HYDIN: variants seen among roughly 807,000 people sequenced by gnomAD.
The protein encoded by HYDIN is HYDIN axonemal central pair apparatus protein.
In HYDIN, 132 loss-of-function variants were observed where a neutral mutation model predicts 403.9. That is an observed-to-expected ratio of 0.33 (90% CI 0.28 to 0.38). The LOEUF (loss-of-function observed/expected upper bound fraction) is 0.38. Among genes scored for constraint, HYDIN ranks in the 10% least tolerant of loss-of-function variants. The probability of loss-of-function intolerance (pLI) is 1.00; values close to 1 mark genes in which losing one functional copy is unlikely to be tolerated. For missense variants in HYDIN, 2,827 were observed against 5,009.5 expected (o/e 0.56, Z 13.15); for synonymous variants, 1,202 against 1,891.7 (o/e 0.64, Z 9.46).
At chr16:71,020,486 A>C (rs1272322741) in intron 21 of HYDIN, among the ~76,000 whole-genome samples, 169 bp from the exon 22 acceptor site, 1 of 152,200 alleles carries the variant, frequency 6.6e-6, no homozygotes, top group African/African-American at 2.4e-5. Context: ...ATGTATACAT[A>C]CATTTTTCTC....
chr16:71,218,139 T>TA (rs1174066877), intron 1 of HYDIN, among the ~76,000 whole-genome samples: 1 of 152,220 alleles, frequency 6.6e-6, no homozygotes, highest in African/African-American at 2.4e-5. Context: ...TTTCATGCAC[T>TA]AGCCAAGCTC....
At chr16:70,849,130 C>T (rs1252919193) in intron 75 of HYDIN, among the ~76,000 whole-genome samples, 1 of 151,960 alleles carries the variant, frequency 6.6e-6, no homozygotes, top group Non-Finnish European at 1.5e-5. Context: ...TGATTGCTGA[C>T]TTTCACTTTG....
chr16:71,163,785 C>T (rs2086112833), intron 5 of HYDIN, among the ~76,000 whole-genome samples: 1 of 152,236 alleles, frequency 6.6e-6, no homozygotes, highest in Non-Finnish European at 1.5e-5. Context: ...ACCAGAAAAA[C>T]CACCCAGCTG....
At chr16:71,205,602 C>G (rs1472064477) in intron 1 of HYDIN, among the ~76,000 whole-genome samples, 2 of 152,352 alleles carry the variant, frequency 1.3e-5, no homozygotes. Context: ...CGAGGAGCAC[C>G]AACATTGTTC....
chr16:71,164,062 C>A (rs543024881), intron 5 of HYDIN, among the ~76,000 whole-genome samples: 2 of 148,060 alleles, frequency 1.4e-5, no homozygotes, highest in East Asian at 4.1e-4. Flanking sequence ...TATTTGCCTG[C>A]AATGTAGCAA....
At position 70,957,328 on chromosome 16, in the gene HYDIN, A is replaced by ATTTT. The variant is rs567388952; in HGVS notation, c.6143-1784_6143-1781dup. On this transcript the variant is annotated intron_variant, in intron 39 of 85. Coordinates refer to ENST00000393567, the MANE Select transcript of HYDIN (RefSeq NM_001270974.2). Reference sequence around the variant, plus strand: ...TAGCATGTGTCAGAATTTCCTTCCTATTTTTTTTTTTTTTTTGAGATGGAG... The same window carrying ATTTT: ...TAGCATGTGTCAGAATTTCCTTCCTATTTTTTTTTTTTTTTTTTTTGAGATGGAG... Among the ~76,000 whole-genome samples the ATTTT allele has an allele frequency of 1.3e-3, 174 of 137,526 alleles. 2 individuals are homozygous for ATTTT. The highest frequency in any genetic ancestry group is 4.5e-3 in the African/African-American group (165 of 36,920). The allele number at this position is 137,526 out of a possible 152,430, so 90.2% of individuals were successfully genotyped here.
chr16:71,093,708 G>A (rs1349529575), intron 11 of HYDIN, 109 bp downstream of exon 11: 19 of 1,296,368 alleles, frequency 1.5e-5, no homozygotes, highest in South Asian at 3.5e-5. Context: ...GAGTAACGGC[G>A]AATAAATGTG....
rs940030229 is a variant in HYDIN at position 70,994,579 on chromosome 16, G to A, written c.3645-2369C>T. On this transcript the variant is annotated intron_variant, in intron 23 of 85. Coordinates refer to ENST00000393567, the MANE Select transcript of HYDIN (RefSeq NM_001270974.2). ...TGGGCTGGGTGCTAACAAATCTCCC[G>A]GGAAGCTCCTTAAAATAAAGATTCC... 5.4e-5 allele frequency among the ~76,000 whole-genome samples: 8 copies of A among 148,060 alleles called. 1 individual carries two copies. In the South Asian group the frequency reaches 1.1e-3, roughly 20 times the overall value.
chr16:70,820,083 G>A (rs539253725), intron 83 of HYDIN, among the ~76,000 whole-genome samples: 1 of 148,864 alleles, frequency 6.7e-6, no homozygotes, highest in Admixed American at 6.7e-5. Context: ...GCCTCCCAAA[G>A]TGCTGAGTTT....
intron 47 of HYDIN, among the ~76,000 whole-genome samples, chr16:70,915,190 A>AT (rs1255769312): frequency 6.6e-6 from 1 of 151,808 alleles, no homozygotes; most frequent in Non-Finnish European, 1.5e-5. Flanking sequence ...AGCTACTGTG[A>AT]TTTTGGGGGG....
rs530084179 is a variant in HYDIN, at chr16:70,942,484, G to C, written c.6670-665C>G. Among the ~76,000 whole-genome samples the C allele has an allele frequency of 7.9e-5, 12 of 152,328 alleles. No homozygotes were observed. In the South Asian group the frequency reaches 2.1e-3, roughly 26 times the overall value. On this transcript the variant is annotated intron_variant, in intron 42 of 85. Coordinates refer to ENST00000393567, the MANE Select transcript of HYDIN (RefSeq NM_001270974.2). ...AGCACAGAGTCACAGGCAGCAGGGG[G>C]AGCAGCTGGGCCTTTTGTATTTTTC...
At chr16:71,210,396 A>T (rs572475523) in intron 1 of HYDIN, among the ~76,000 whole-genome samples, 2 of 152,332 alleles carry the variant, frequency 1.3e-5, no homozygotes, top group South Asian at 4.1e-4. Context: ...TGCTCAGCAA[A>T]CTAACACAGG....
Position 71,067,340 on chromosome 16 carries a change from C to G in HYDIN, c.2025G>C (p.Val675=). The G allele has an allele frequency of 1.2e-6, 2 of 1,613,470 alleles. No individual in the cohort carries two copies. The highest frequency in any genetic ancestry group is 1.7e-6 in the Non-Finnish European group (2 of 1,179,734). The change falls in exon 15 of 86, where the codon GTG becomes GTC. Residue 675 remains valine, a synonymous_variant. Transcript: ENST00000393567. ...TVQKYELALV[V]DVEGIGEEVL... Reference sequence around the variant, plus strand: ...CCTCTTCTCCGATGCCCTCCACGTCCACCACGAGTGCCAGCTCGTATTTCT... The same window carrying G: ...CCTCTTCTCCGATGCCCTCCACGTCGACCACGAGTGCCAGCTCGTATTTCT...
At chr16:71,169,546 CTAAG>C (rs1401576011) in intron 5 of HYDIN, among the ~76,000 whole-genome samples, 1 of 152,096 alleles carries the variant, frequency 6.6e-6, no homozygotes, top group Non-Finnish European at 1.5e-5. Context: ...GGCAATTATG[CTAAG>C]TAAAATAAGC....
Position 70,845,899 on chromosome 16 carries a change from A to G in HYDIN, c.12873+3827T>C, listed in dbSNP as rs534716542. Among the ~76,000 whole-genome samples, 315 of 143,790 alleles carry G rather than the reference A, an allele frequency of 2.2e-3. 1 individual carries two copies. The highest frequency in any genetic ancestry group is 2.6e-3 in the Non-Finnish European group (174 of 67,110). The allele number at this position is 143,790 out of a possible 152,430, so 94.3% of individuals were successfully genotyped here. A position where few individuals can be genotyped will look rare whatever the true frequency, so the allele number is the denominator to read the frequency against. The stretch of plus-strand genomic sequence containing the variant: ...GATCGGTGGTGATATCCCCTTTATC[A>G]TTTTTGATTGTGTCTATTTGATTCT... On this transcript the variant is annotated intron_variant, in intron 75 of 85. Transcript: ENST00000393567.
chr16:71,186,881 T>G lies in HYDIN; in HGVS notation c.15A>C (p.Arg5Ser), dbSNP rs1597981031. MTSR[R>S]LEESMGAVQM... The stretch of plus-strand genomic sequence containing the variant: ...GAACAGCCCCCATGGACTCCTCAAG[T>G]CTTCTACTTGTCATTTTTAGTAATT... Residue 5 changes from arginine to serine, a missense_variant, in exon 2 of 86, where the codon AGA becomes AGC. Transcript: ENST00000393567. The G allele has an allele frequency of 6.2e-7, 1 of 1,610,502 alleles. No individual in the cohort carries two copies. Among genetic ancestry groups the G allele is most frequent in the Non-Finnish European group, 8.5e-7 (1 of 1,178,376 alleles).
At chr16:70,996,318 T>A (rs1176587885) in intron 23 of HYDIN, among the ~76,000 whole-genome samples, 1 of 152,158 alleles carries the variant, frequency 6.6e-6, no homozygotes, top group Admixed American at 6.5e-5. Context: ...ATTCTAAAGA[T>A]GAGAAACCCA....
chr16:70,921,646 C>T (rs2143817081), intron 45 of HYDIN, among the ~76,000 whole-genome samples: 1 of 152,276 alleles, frequency 6.6e-6, no homozygotes, highest in African/African-American at 2.4e-5. Context: ...AGGACTCAGC[C>T]TCTCTCTGCC....
intron 58 of HYDIN, 51 bp from the exon 59 acceptor site, chr16:70,884,175 C>T (rs1186039982): frequency 1.3e-6 from 2 of 1,489,336 alleles, no homozygotes; most frequent in African/African-American, 1.5e-5. Flanking sequence ...GAGTGAGTGA[C>T]AGCCAGACTA....
Sources: allele counts gnomAD v4.1 joint callset (sites outside exome capture counted in the v4.1 genomes callset), GRCh38; gene constraint gnomAD v4.1.1; transcripts MANE v1.5; gene names NCBI Gene and HGNC (gene_info 2026-07-23, HGNC 2026-07-21).